Variants in STXBP3 observed in about 807,000 individuals in gnomAD.
STXBP3 encodes the protein syntaxin-binding protein 3.
A neutral mutation model predicts 85.7 loss-of-function variants in STXBP3; 41 were observed. That is an observed-to-expected ratio of 0.48 (90% CI 0.37 to 0.62). The LOEUF (loss-of-function observed/expected upper bound fraction) is 0.62, where lower values mean the gene tolerates loss of function less well. Ranked by LOEUF, STXBP3 falls within the 20% of genes least tolerant of loss-of-function variation. The pLI, the probability that STXBP3 is intolerant of heterozygous loss-of-function variation, is 0.00. For synonymous variants in STXBP3, 229 were observed against 231.7 expected (o/e 0.99, Z 0.10); for missense variants, 563 against 703.1 (o/e 0.80, Z 2.25).
At chr1:108,792,793 G>A (rs750637115) in intron 11 of STXBP3, among the ~76,000 whole-genome samples, 9 of 152,154 alleles carry the variant, frequency 5.9e-5, no homozygotes, top group African/African-American at 1.2e-4. Context: ...AGGAATAATC[G>A]TGATTCTGTT....
intron 1 of STXBP3, among the ~76,000 whole-genome samples, chr1:108,747,022 G>C (rs1455259656): frequency 1.4e-5 from 2 of 142,734 alleles, no homozygotes; most frequent in Non-Finnish European, 3.1e-5. Context: ...GCACCCCCTC[G>C]CCTCGGCCGC....
At chr1:108,775,920 A>AACACACAC (rs59575550) in intron 7 of STXBP3, among the ~76,000 whole-genome samples, 190 of 150,090 alleles carry the variant, frequency 1.3e-3, no homozygotes, top group African/African-American at 4.4e-3. Flanking sequence ...ATAAATCTCA[A>AACACACAC]ACACACACAC....
In STXBP3 at chr1:108,746,680, G is replaced by C. The variant is rs1661784723; in HGVS notation, c.-58G>C. The C allele has an allele frequency of 6.5e-7, 1 of 1,545,868 alleles. No homozygotes were observed. Among genetic ancestry groups the C allele is most frequent in the Non-Finnish European group, 8.7e-7 (1 of 1,143,510 alleles). On this transcript the variant is annotated 5_prime_UTR_variant, in exon 1 of 19. Transcript: ENST00000370008. The stretch of plus-strand genomic sequence containing the variant: ...GCGGGGCCACCCCAACGCCGCTTCT[G>C]CGGCCAAAGTAGGTTGGGAGTGGAA...
At chr1:108,802,545 C>A (rs1462964649) in intron 17 of STXBP3, among the ~76,000 whole-genome samples, 2 of 152,172 alleles carry the variant, frequency 1.3e-5, no homozygotes, top group Non-Finnish European at 2.9e-5. Context: ...AAAGCTATAA[C>A]TTTTATCTGA....
chr1:108,752,449 G>A lies in STXBP3; in HGVS notation c.99+143G>A, dbSNP rs1034085856. On this transcript the variant is annotated intron_variant, in intron 2 of 18. Transcript: ENST00000370008. ...TAATTTGACGTATGTGGGAGGATGT[G>A]TGTAGGTTACATGCAAACACTACAC... 3 of 739,398 alleles carry A rather than the reference G, an allele frequency of 4.1e-6. No individual in the cohort carries two copies. The African/African-American group carries it at 5.4e-5, about 13-fold the overall frequency. 45.8% of individuals were successfully genotyped at this position (739,398 alleles called of 1,614,324 possible).
At chr1:108,807,307 G>A (rs992897690) in intron 17 of STXBP3, 94 bp from the exon 18 acceptor site, 84 of 1,288,316 alleles carry the variant, frequency 6.5e-5, no homozygotes, top group Middle Eastern at 4.3e-4. Context: ...GCAAGTTTGA[G>A]TTTGGTTGAG....
chr1:108,776,153 C>A (rs1463953659), intron 7 of STXBP3, among the ~76,000 whole-genome samples, 180 bp from the exon 8 acceptor site: 6 of 151,866 alleles, frequency 4.0e-5, no homozygotes, highest in African/African-American at 1.5e-4. Context: ...CTTGTAAATT[C>A]CAAATATATC....
chr1:108,799,674 C>T (rs536153569), intron 16 of STXBP3, among the ~76,000 whole-genome samples: 1 of 152,058 alleles, frequency 6.6e-6, no homozygotes, highest in South Asian at 2.1e-4. Flanking sequence ...AAAATGTGAG[C>T]ATGAACCTAT....
In STXBP3 at chr1:108,782,718, A is replaced by T. The variant is rs749027157; in HGVS notation, c.963+12A>T. ...CAACAGAAGGAAAGGTAAGAGTCTT[A>T]CTTAACTTTCAAAGTAATAGTGAAG... On this transcript the variant is annotated intron_variant, in intron 11 of 18. Coordinates refer to ENST00000370008, the MANE Select transcript of STXBP3 (RefSeq NM_007269.4). 6.3e-7 allele frequency: 1 copy of T among 1,585,140 alleles called. No individual in the cohort carries two copies. The highest frequency in any genetic ancestry group is 1.9e-5 in the Admixed American group (1 of 53,848).
intron 1 of STXBP3, 103 bp downstream of exon 1, chr1:108,746,889 C>A: frequency 1.7e-6 from 2 of 1,178,318 alleles, no homozygotes; most frequent in Non-Finnish European, 2.4e-6. Flanking sequence ...GGAGCCGCCG[C>A]GAGCACTTGT....
intron 6 of STXBP3, chr1:108,766,994 C>A: frequency 2.0e-6 from 1 of 496,986 alleles, no homozygotes; most frequent in Non-Finnish European, 4.1e-6. Flanking sequence ...CTTTGAGACC[C>A]CCTTGTGTGT....
intron 6 of STXBP3, among the ~76,000 whole-genome samples, chr1:108,762,543 C>CTTA (rs1662161458): frequency 6.6e-6 from 1 of 151,388 alleles, no homozygotes. Context: ...AAATCATAGG[C>CTTA]TTATTTCAAT....
At chr1:108,761,773 C>A (rs1662147040) in intron 6 of STXBP3, among the ~76,000 whole-genome samples, 1 of 152,026 alleles carries the variant, frequency 6.6e-6, no homozygotes, top group South Asian at 2.1e-4. Flanking sequence ...GAGTTCAAGA[C>A]CAGCCTGGCC....
intron 6 of STXBP3, among the ~76,000 whole-genome samples, chr1:108,762,405 T>C (rs1662158411): frequency 6.6e-6 from 1 of 152,126 alleles, no homozygotes; most frequent in Non-Finnish European, 1.5e-5. Flanking sequence ...TAATGCTGGC[T>C]CTATGAAATT....
intron 11 of STXBP3, among the ~76,000 whole-genome samples, chr1:108,787,376 G>A (rs1248904551): frequency 1.3e-5 from 2 of 152,062 alleles, no homozygotes; most frequent in African/African-American, 4.8e-5. Flanking sequence ...ACAGTCATGG[G>A]TTCTTAGTTT....
intron 6 of STXBP3, chr1:108,767,245 T>A (rs998998350): frequency 4.2e-6 from 1 of 236,936 alleles, no homozygotes; most frequent in African/African-American, 2.3e-5. Flanking sequence ...CTTTGACATC[T>A]CACTGACCTT....
intron 12 of STXBP3, 80 bp from the exon 13 acceptor site, chr1:108,794,747 C>A: frequency 8.2e-7 from 1 of 1,223,108 alleles, no homozygotes; most frequent in Non-Finnish European, 1.2e-6. Flanking sequence ...TTCTTTCAGG[C>A]CTGTCTCAAA....
chr1:108,780,537 T>C (rs1662694572), intron 9 of STXBP3: 1 of 148,558 alleles, frequency 6.7e-6, no homozygotes, highest in Admixed American at 6.7e-5. Flanking sequence ...TTTTTTTTTT[T>C]TTTTTTTTTT....
chr1:108,756,803 A>G (rs1353053904), intron 4 of STXBP3, 37 bp downstream of exon 4: 8 of 1,445,950 alleles, frequency 5.5e-6, no homozygotes, highest in Non-Finnish European at 7.6e-6. Context: ...AGGTTCATCA[A>G]TATTTCACCA....
Sources: gnomAD v4.1 joint callset for allele counts (sites outside exome capture counted in the v4.1 genomes callset) on GRCh38, gnomAD v4.1.1 for gene constraint, MANE v1.5 for transcripts, NCBI Gene and HGNC (gene_info 2026-07-23, HGNC 2026-07-21) for gene names.